The following RMST variants were observed in gnomAD, a reference collection of about 807,000 sequenced individuals.
RMST encodes the protein rhabdomyosarcoma 2 associated transcript, also known as long intergenic non-protein coding RNA 54.
chr12:97,471,576 C>T (rs1364501870), intron 5 of RMST, among the ~76,000 whole-genome samples: 3 of 152,106 alleles, frequency 2.0e-5, no homozygotes, highest in East Asian at 1.9e-4. Flanking sequence ...GTGTTGATGT[C>T]GGTAAAATGC....
chr12:97,554,371 T>C (rs902701760), intron 11 of RMST, among the ~76,000 whole-genome samples: 7 of 152,200 alleles, frequency 4.6e-5, no homozygotes, highest in African/African-American at 1.7e-4. Flanking sequence ...AATTTTTCCC[T>C]ATGGATAATT....
chr12:97,526,828 A>G (rs901069027), intron 10 of RMST, among the ~76,000 whole-genome samples: 1 of 152,078 alleles, frequency 6.6e-6, no homozygotes, highest in Non-Finnish European at 1.5e-5. Flanking sequence ...TTTCTTGGTG[A>G]TTCTGTTGCT....
exon 14 of RMST, chr12:97,565,019 A>G (rs1884416058): frequency 6.6e-6 from 1 of 152,196 alleles, no homozygotes; most frequent in African/African-American, 2.4e-5. Flanking sequence ...AAATTATAAT[A>G]AAAATTATTT....
intron 10 of RMST, among the ~76,000 whole-genome samples, chr12:97,513,995 G>C (rs1158244981): frequency 2.0e-5 from 3 of 152,182 alleles, no homozygotes; most frequent in Non-Finnish European, 4.4e-5. Context: ...TTATGAGGTA[G>C]ATGTTAGCTC....
At chr12:97,518,993 G>T (rs888426486) in intron 10 of RMST, among the ~76,000 whole-genome samples, 2 of 152,028 alleles carry the variant, frequency 1.3e-5, no homozygotes, top group Non-Finnish European at 2.9e-5. Context: ...GCCCAGGCTG[G>T]TCTTGAGCTT....
At chr12:97,492,959 T>A (rs1029469582) in intron 6 of RMST, 1 of 152,170 alleles carries the variant, frequency 6.6e-6, no homozygotes, top group African/African-American at 2.4e-5. Context: ...AATATAAGAG[T>A]TAGCTGCCAG....
chr12:97,479,706 C>T (rs1874998431), intron 5 of RMST, among the ~76,000 whole-genome samples: 1 of 152,086 alleles, frequency 6.6e-6, no homozygotes, highest in Admixed American at 6.6e-5. Context: ...CTTCCTCTTC[C>T]CCTGGGTTCA....
In RMST at chr12:97,521,841, C is replaced by T. The variant is rs555917673; in HGVS notation, n.1341-8814C>T. Among the ~76,000 whole-genome samples, 250 of 152,278 alleles carry T rather than the reference C, an allele frequency of 1.6e-3. 1 individual carries two copies. The highest frequency in any genetic ancestry group is 0.015 in the South Asian group (71 of 4,830). On this transcript the variant is annotated intron_variant and non_coding_transcript_variant, in intron 10 of 13. Transcript: ENST00000640149. ...AGATGTGACTTTATTTATTTATTTT[C>T]CCAGTTAACACTTCAATTTGAAAGA...
intron 10 of RMST, among the ~76,000 whole-genome samples, chr12:97,528,615 A>C (rs1881344147): frequency 6.6e-6 from 1 of 152,180 alleles, no homozygotes; most frequent in East Asian, 1.9e-4. Flanking sequence ...TCTACTTTGA[A>C]CTCTTTAGGA....
intron 11 of RMST, among the ~76,000 whole-genome samples, chr12:97,553,796 C>T (rs1312377479): frequency 6.6e-6 from 1 of 151,926 alleles, no homozygotes; most frequent in African/African-American, 2.4e-5. Context: ...TCTTCTAAGC[C>T]TCTCTAAGCC....
intron 5 of RMST, among the ~76,000 whole-genome samples, chr12:97,487,811 C>T (rs1042428475): frequency 5.9e-5 from 9 of 152,328 alleles, no homozygotes; most frequent in East Asian, 1.9e-4. Flanking sequence ...TCACATCCCC[C>T]GGTTGTCTGT....
rs1473615899 is a variant in RMST, at chr12:97,556,400, AC to A, written n.1546-4135del. 7.9e-5 allele frequency among the ~76,000 whole-genome samples: 12 copies of A among 152,312 alleles called. No homozygotes were observed. In the East Asian group the frequency reaches 1.9e-3, roughly 24 times the overall value. ...TAAAAGGCAGCTGGGCGGCCTCTTC[AC>A]CGTGTTCCCTGAAGGAGAACAGAAA... On this transcript the variant is annotated intron_variant and non_coding_transcript_variant, in intron 11 of 13. Coordinates refer to ENST00000640149, the Ensembl canonical transcript of RMST.
intron 7 of RMST, among the ~76,000 whole-genome samples, chr12:97,493,689 C>T (rs1877105431): frequency 6.6e-6 from 1 of 152,200 alleles, no homozygotes; most frequent in African/African-American, 2.4e-5. Context: ...TACATAATCA[C>T]AATCACACTT....
At chr12:97,484,548 G>A (rs953826400) in intron 5 of RMST, among the ~76,000 whole-genome samples, 38 of 152,224 alleles carry the variant, frequency 2.5e-4, no homozygotes, top group South Asian at 2.1e-4. Flanking sequence ...CTTATTCTCT[G>A]CAAGATCTTC....
chr12:97,529,265 T>G (rs1881411329), intron 10 of RMST, among the ~76,000 whole-genome samples: 1 of 152,076 alleles, frequency 6.6e-6, no homozygotes, highest in South Asian at 2.1e-4. Flanking sequence ...CATTTATCAG[T>G]TTATCTTTGC....
chr12:97,463,284 T>G (rs2136365922), exon 4 of RMST: 1 of 152,252 alleles, frequency 6.6e-6, no homozygotes, highest in East Asian at 1.9e-4. Flanking sequence ...TTCGGACAAG[T>G]TTTAGGTAAG....
At chr12:97,508,491 G>A (rs1878941313) in intron 10 of RMST, among the ~76,000 whole-genome samples, 1 of 152,206 alleles carries the variant, frequency 6.6e-6, no homozygotes, top group Non-Finnish European at 1.5e-5. Context: ...GTGGTCAGCT[G>A]AGAGTGGACA....
chr12:97,512,108 C>T (rs1043481640), intron 10 of RMST, among the ~76,000 whole-genome samples: 1 of 152,092 alleles, frequency 6.6e-6, no homozygotes, highest in African/African-American at 2.4e-5. Context: ...TTCAGAGTTT[C>T]TTCTGTCTGG....
intron 5 of RMST, among the ~76,000 whole-genome samples, chr12:97,473,292 A>G (rs186434762): frequency 2.0e-5 from 3 of 152,270 alleles, no homozygotes; most frequent in Admixed American, 1.3e-4. Flanking sequence ...AAATGTAACT[A>G]TGTCATCCTG....
Sources: gnomAD v4.1 joint callset for allele counts (sites outside exome capture counted in the v4.1 genomes callset) on GRCh38, gnomAD v4.1.1 for gene constraint, MANE v1.5 for transcripts, NCBI Gene and HGNC (gene_info 2026-07-23, HGNC 2026-07-21) for gene names.